SGCD: variants seen among roughly 807,000 people sequenced by gnomAD.
SGCD encodes delta-sarcoglycan.
A neutral mutation model predicts 36.6 loss-of-function variants in SGCD; 18 were observed. The observed-to-expected ratio is 0.49, with a 90% CI of 0.34 to 0.73. The LOEUF (loss-of-function observed/expected upper bound fraction) is 0.73, where lower values mean the gene tolerates loss of function less well. Among genes scored for constraint, SGCD ranks in the 30% least tolerant of loss-of-function variants. The probability of loss-of-function intolerance (pLI) is 0.01; values close to 1 mark genes in which losing one functional copy is unlikely to be tolerated. For synonymous variants in SGCD, 133 were observed against 130.6 expected, an observed-to-expected ratio of 1.02 and a Z score of -0.12; for missense variants, 387 against 346.7, an observed-to-expected ratio of 1.12 and a Z score of -0.92.
At chr5:156,713,412 G>GC (rs932940971) in intron 7 of SGCD, among the ~76,000 whole-genome samples, 2 of 149,396 alleles carry the variant, frequency 1.3e-5, no homozygotes, top group African/African-American at 5.0e-5. Context: ...GAACATGTCG[G>GC]GGGGGGCGTT....
chr5:156,551,694 G>A (rs1246425857), intron 4 of SGCD, among the ~76,000 whole-genome samples: 2 of 152,132 alleles, frequency 1.3e-5, no homozygotes, highest in South Asian at 2.1e-4. Context: ...TTTCACATAT[G>A]TTAGCTAAAC....
At chr5:156,360,719 CTG>C in intron 3 of SGCD, among the ~76,000 whole-genome samples, 1 of 152,194 alleles carries the variant, frequency 6.6e-6, no homozygotes, top group South Asian at 2.1e-4. Context: ...GATGGCCAGA[CTG>C]TGAAAGACAC....
chr5:156,503,198 T>A (rs905927593), intron 3 of SGCD, among the ~76,000 whole-genome samples: 1 of 152,234 alleles, frequency 6.6e-6, no homozygotes, highest in Admixed American at 6.5e-5. Flanking sequence ...TTTATTTGGC[T>A]GGGTACCTCC....
chr5:156,321,881 T>C (rs1767681430), upstream of SGCD, among the ~76,000 whole-genome samples: 1 of 152,204 alleles, frequency 6.6e-6, no homozygotes, highest in African/African-American at 2.4e-5. Context: ...TTTACAGTTT[T>C]ATGATTGAGT....
intron 1 of SGCD, among the ~76,000 whole-genome samples, chr5:155,927,754 C>T (rs1026177877): frequency 1.8e-4 from 28 of 152,072 alleles, no homozygotes; most frequent in African/African-American, 6.5e-4. Flanking sequence ...CTCATTTTGT[C>T]ATTGTCTCAG....
intron 3 of SGCD, among the ~76,000 whole-genome samples, chr5:156,208,794 G>A (rs1305784402): frequency 6.6e-6 from 1 of 152,102 alleles, no homozygotes; most frequent in Non-Finnish European, 1.5e-5. Context: ...CAACATGGTG[G>A]AATAGAACTT....
At chr5:155,984,119 A>G (rs762590202) in intron 1 of SGCD, among the ~76,000 whole-genome samples, 12 of 152,176 alleles carry the variant, frequency 7.9e-5, no homozygotes, top group Non-Finnish European at 1.5e-4. Flanking sequence ...TTTGCGAAAC[A>G]TTTTCCACTT....
chr5:156,440,142 T>C (rs4705015), intron 3 of SGCD, among the ~76,000 whole-genome samples: 117,236 of 151,988 alleles, frequency 0.77, 46,010 homozygotes, highest in Middle Eastern at 0.91. Context: ...CAATCTCCCC[T>C]TCCCTGTAGT....
At chr5:156,003,432 A>T (rs1758701126) in intron 1 of SGCD, among the ~76,000 whole-genome samples, 1 of 152,176 alleles carries the variant, frequency 6.6e-6, no homozygotes. Flanking sequence ...GGTCCTCAGC[A>T]TCAATTCTGA....
intron 3 of SGCD, among the ~76,000 whole-genome samples, chr5:156,127,971 A>G (rs1212772080): frequency 6.6e-6 from 1 of 151,960 alleles, no homozygotes; most frequent in Non-Finnish European, 1.5e-5. Context: ...TGCACAAACC[A>G]TAAGAAGAAA....
chr5:156,196,271 C>T (rs1764023686), intron 3 of SGCD, among the ~76,000 whole-genome samples: 1 of 152,030 alleles, frequency 6.6e-6, no homozygotes, highest in Admixed American at 6.6e-5. Context: ...GCTAGTATGC[C>T]CATATAAAGG....
At chr5:156,519,342 C>T (rs966062115) in intron 4 of SGCD, among the ~76,000 whole-genome samples, 1 of 151,442 alleles carries the variant, frequency 6.6e-6, no homozygotes, top group African/African-American at 2.4e-5. Context: ...CAGTAAAAGC[C>T]TACCAACAAA....
chr5:155,887,445 C>T (rs1260706398), intron 1 of SGCD, among the ~76,000 whole-genome samples: 1 of 152,206 alleles, frequency 6.6e-6, no homozygotes, highest in East Asian at 1.9e-4. Flanking sequence ...CTTCTCTCCT[C>T]TTACCTTCCC....
chr5:155,883,253 A>G (rs1755928403), intron 1 of SGCD, among the ~76,000 whole-genome samples: 2 of 152,114 alleles, frequency 1.3e-5, no homozygotes, highest in African/African-American at 2.4e-5. Flanking sequence ...CTTACCATTC[A>G]TGTGTTCACT....
intron 3 of SGCD, among the ~76,000 whole-genome samples, chr5:156,475,239 C>T (rs1755130157): frequency 6.6e-6 from 1 of 152,138 alleles, no homozygotes; most frequent in Non-Finnish European, 1.5e-5. Context: ...GGGTCTCTCC[C>T]ATGTGCCCAC....
At chr5:156,275,452 AAAC>A (rs1381321217) in intron 3 of SGCD, among the ~76,000 whole-genome samples, 1 of 152,206 alleles carries the variant, frequency 6.6e-6, no homozygotes. Flanking sequence ...TAAAACATAG[AAAC>A]AACATAAAAT....
At position 156,146,044 on chromosome 5, in the gene SGCD, A is replaced by T. The variant is rs560741257; in HGVS notation, c.-44+22025A>T. Among the ~76,000 whole-genome samples the T allele has an allele frequency of 2.2e-4, 34 of 151,986 alleles. No homozygotes were observed. The East Asian group carries it at 2.9e-3, about 13-fold the overall frequency. On this transcript the variant is annotated intron_variant, in intron 3 of 9. Transcript: ENST00000517913. Reference sequence around the variant, plus strand: ...CTGGCTAACATGGTGAAACCCCGTCACTACTAAAAATACAAAAAATTAGCT... The same window carrying T: ...CTGGCTAACATGGTGAAACCCCGTCTCTACTAAAAATACAAAAAATTAGCT...
At chr5:156,053,130 C>T (rs1283859107) in intron 1 of SGCD, among the ~76,000 whole-genome samples, 1 of 146,758 alleles carries the variant, frequency 6.8e-6, no homozygotes, top group Non-Finnish European at 1.5e-5. Flanking sequence ...GCTGAACATA[C>T]ATATGGCACT....
At chr5:156,606,514 G>A (rs990689100) in intron 6 of SGCD, among the ~76,000 whole-genome samples, 1 of 152,172 alleles carries the variant, frequency 6.6e-6, no homozygotes, top group Non-Finnish European at 1.5e-5. Context: ...GCTTAGGATT[G>A]ACTTGGCAAT....
Sources: gnomAD v4.1 joint callset for allele counts (sites outside exome capture counted in the v4.1 genomes callset) on GRCh38, gnomAD v4.1.1 for gene constraint, MANE v1.5 for transcripts, NCBI Gene and HGNC (gene_info 2026-07-23, HGNC 2026-07-21) for gene names.